ZNF445: variants seen among roughly 807,000 people sequenced by gnomAD.
The protein encoded by ZNF445 is zinc finger protein 168.
Under a neutral mutation model 93.9 loss-of-function variants are expected in ZNF445, and 19 were observed. The observed-to-expected ratio is 0.20, with a 90% CI of 0.14 to 0.30. ZNF445 has a LOEUF of 0.30. Among genes scored for constraint, ZNF445 ranks in the 10% least tolerant of loss-of-function variants. The pLI, the probability that ZNF445 is intolerant of heterozygous loss-of-function variation, is 1.00. For synonymous variants in ZNF445, 449 were observed against 446.3 expected, an observed-to-expected ratio of 1.01 and a Z score of -0.08; for missense variants, 1,058 against 1,259.4, an observed-to-expected ratio of 0.84 and a Z score of 2.42.
chr3:44,440,291 C>T lies in ZNF445; in HGVS notation c.*6284G>A, dbSNP rs1371874792. 1 of 152,176 alleles carries T rather than the reference C, an allele frequency of 6.6e-6. No homozygotes were observed. Among genetic ancestry groups the T allele is most frequent in the Non-Finnish European group, 1.5e-5 (1 of 68,044 alleles). The allele number at this position is 152,176 out of a possible 1,614,324, so 9.4% of individuals were successfully genotyped here. On this transcript the variant is annotated 3_prime_UTR_variant, in exon 8 of 8. Coordinates refer to ENST00000396077, the MANE Select transcript of ZNF445 (RefSeq NM_181489.6). The stretch of plus-strand genomic sequence containing the variant: ...TTTAAAAGGTGTGGTAGCTGGCATA[C>T]AAGTATTTACTCTCCTTTTCCTCAT...
intron 1 of ZNF445, among the ~76,000 whole-genome samples, chr3:44,471,962 G>A (rs1698274940): frequency 6.6e-6 from 1 of 152,158 alleles, no homozygotes; most frequent in Non-Finnish European, 1.5e-5. Context: ...AGGACCAAGA[G>A]GAGCAGGCTC....
chr3:44,474,112 A>C (rs1157159134), intron 1 of ZNF445, among the ~76,000 whole-genome samples: 1 of 152,234 alleles, frequency 6.6e-6, no homozygotes, highest in Admixed American at 6.5e-5. Flanking sequence ...AAAGTAGTAA[A>C]CTATCTTCCC....
chr3:44,470,717 T>C (rs1378470546), intron 1 of ZNF445, among the ~76,000 whole-genome samples: 1 of 152,214 alleles, frequency 6.6e-6, no homozygotes, highest in East Asian at 1.9e-4. Flanking sequence ...TTGCCTATGT[T>C]GCCTAAATTG....
At chr3:44,454,942 C>G in intron 3 of ZNF445, 179 bp downstream of exon 3, 1 of 684,430 alleles carries the variant, frequency 1.5e-6, no homozygotes, top group Non-Finnish European at 2.5e-6. Context: ...GAAAGGATAC[C>G]TGCTAAAGGG....
intron 2 of ZNF445, among the ~76,000 whole-genome samples, chr3:44,457,883 T>C (rs962641928): frequency 6.6e-6 from 1 of 151,890 alleles, no homozygotes; most frequent in Admixed American, 6.6e-5. Flanking sequence ...CGTGATGGCA[T>C]GCGCCTGTAA....
At chr3:44,464,171 ACT>A (rs1698160686) in intron 1 of ZNF445, among the ~76,000 whole-genome samples, 1 of 152,206 alleles carries the variant, frequency 6.6e-6, no homozygotes, top group South Asian at 2.1e-4. Context: ...GCAGCACTGC[ACT>A]GTCTTCTCCT....
At chr3:44,456,747 T>C (rs1340520735) in intron 2 of ZNF445, among the ~76,000 whole-genome samples, 1 of 152,248 alleles carries the variant, frequency 6.6e-6, no homozygotes, top group Non-Finnish European at 1.5e-5. Flanking sequence ...TAGTTGATTT[T>C]ACGACCCAAC....
intron 1 of ZNF445, among the ~76,000 whole-genome samples, chr3:44,463,014 TGTG>T (rs1559398100): frequency 3.8e-4 from 2 of 5,326 alleles, no homozygotes; most frequent in Non-Finnish European, 8.1e-4. Flanking sequence ...TTTTTCTTTG[TGTG>T]TGTGTGTGTG....
chr3:44,443,843 C>T lies in ZNF445; in HGVS notation c.*2732G>A, dbSNP rs1439343712. 23 of 150,754 alleles carry T rather than the reference C, an allele frequency of 1.5e-4. No homozygotes were observed. Among genetic ancestry groups the T allele is most frequent in the Admixed American group, 1.5e-3 (23 of 15,106 alleles). The allele number at this position is 150,754 out of a possible 1,614,324, so 9.3% of individuals were successfully genotyped here. A position where few individuals can be genotyped will look rare whatever the true frequency, so the allele number is the denominator to read the frequency against. On this transcript the variant is annotated 3_prime_UTR_variant, in exon 8 of 8. Transcript: ENST00000396077. Reference sequence around the variant, plus strand: ...TGTTTAGAAATAAGCACATTTCATTCTATAAAAATGACAGGTCAGGCACAG... The same window carrying T: ...TGTTTAGAAATAAGCACATTTCATTTTATAAAAATGACAGGTCAGGCACAG...
At position 44,439,310 on chromosome 3, in the gene ZNF445, CAAA is replaced by C. The variant is rs556191734; in HGVS notation, c.*7262_*7264del. ...TGGGTGACAGGGTGAGACCTTGTCTCAAAAAAAAAAAAAAAAAAAAAGCAAAAC... is the reference window on the plus strand; with the variant it reads ...TGGGTGACAGGGTGAGACCTTGTCTCAAAAAAAAAAAAAAAAAAGCAAAAC... On this transcript the variant is annotated 3_prime_UTR_variant, in exon 8 of 8. Coordinates refer to ENST00000396077, the MANE Select transcript of ZNF445 (RefSeq NM_181489.6). The C allele has an allele frequency of 9.6e-5, 6 of 62,754 alleles. No individual in the cohort carries two copies. Among genetic ancestry groups the C allele is most frequent in the Non-Finnish European group, 1.6e-4 (5 of 31,096 alleles). 3.9% of individuals were successfully genotyped at this position (62,754 alleles called of 1,614,324 possible).
chr3:44,432,671 C>T lies in ZNF445; in HGVS notation c.*13904G>A, dbSNP rs1458079860. 6.6e-6 allele frequency: 1 copy of T among 152,194 alleles called. No homozygotes were observed. The highest frequency in any genetic ancestry group is 2.4e-5 in the African/African-American group (1 of 41,432). 9.4% of individuals were successfully genotyped at this position (152,194 alleles called of 1,614,324 possible). On this transcript the variant is annotated 3_prime_UTR_variant, in exon 8 of 8. Coordinates refer to ENST00000396077, the MANE Select transcript of ZNF445 (RefSeq NM_181489.6). ...ACGTTAATCTCATCCAAAGCAACCT[C>T]ACAGAAACACCCAGCATAATGTTTG...
Position 44,451,473 on chromosome 3 carries a change from G to T in ZNF445, c.439C>A (p.Pro147Thr). ...LDGTSWRDPGPAQSPDVHWMG... is the reference protein window; with the variant it reads ...LDGTSWRDPGTAQSPDVHWMG... ...CAATGCACATCTGGGCTCTGGGCAGGGCCCGGGTCCTGGCAAGAAGAAAAT... is the reference window on the plus strand; with the variant it reads ...CAATGCACATCTGGGCTCTGGGCAGTGCCCGGGTCCTGGCAAGAAGAAAAT... Residue 147 changes from proline to threonine, a missense_variant, in exon 4 of 8, where the codon CCT becomes ACT. Physicochemically the swap from Pro to Thr is conservative, Grantham distance 38 (BLOSUM62 -1). This residue lies in a region of ZNF445 where 657 missense variants were observed against 746.4 expected (regional missense o/e 0.88). Transcript: ENST00000396077. The T allele has an allele frequency of 6.2e-7, 1 of 1,602,644 alleles. No homozygotes were observed. Among genetic ancestry groups the T allele is most frequent in the Non-Finnish European group, 8.5e-7 (1 of 1,171,782 alleles).
intron 4 of ZNF445, 107 bp from the exon 5 acceptor site, chr3:44,451,069 ATGT>A: frequency 2.9e-6 from 3 of 1,044,942 alleles, no homozygotes; most frequent in East Asian, 2.6e-5. Flanking sequence ...CAGGTACATA[ATGT>A]TGTTAAATAC....
intron 2 of ZNF445, among the ~76,000 whole-genome samples, chr3:44,456,200 G>A (rs1424051252): frequency 4.6e-5 from 7 of 152,190 alleles, no homozygotes; most frequent in Admixed American, 2.6e-4. Context: ...AGGATTGCCT[G>A]AGCTCAGGAG....
intron 1 of ZNF445, among the ~76,000 whole-genome samples, chr3:44,466,975 T>C (rs1698204651): frequency 1.3e-5 from 2 of 152,370 alleles, no homozygotes; most frequent in South Asian, 2.1e-4. Context: ...ATTTTTGTCA[T>C]CCACAGGTAT....
intron 3 of ZNF445, among the ~76,000 whole-genome samples, chr3:44,453,295 T>C (rs1200548022): frequency 7.2e-5 from 11 of 152,048 alleles, no homozygotes. Flanking sequence ...ATATGTTTTT[T>C]TTTTTTAATT....
intron 1 of ZNF445, among the ~76,000 whole-genome samples, chr3:44,466,189 ATT>A (rs60277070): frequency 6.6e-6 from 1 of 151,940 alleles, no homozygotes; most frequent in Non-Finnish European, 1.5e-5. Context: ...TTTAAAAAAA[ATT>A]TTTTTTGGAG....
Position 44,433,137 on chromosome 3 carries a change from T to C in ZNF445, c.*13438A>G, listed in dbSNP as rs2125671640. The C allele has an allele frequency of 6.6e-6, 1 of 152,006 alleles. No individual in the cohort carries two copies. The highest frequency in any genetic ancestry group is 2.4e-5 in the African/African-American group (1 of 41,452). The allele number at this position is 152,006 out of a possible 1,614,324, so 9.4% of individuals were successfully genotyped here. On this transcript the variant is annotated 3_prime_UTR_variant, in exon 8 of 8. Coordinates refer to ENST00000396077, the MANE Select transcript of ZNF445 (RefSeq NM_181489.6). ...TAAGGGTCATCGTTCTTTTTTTTTT[T>C]TTTTCCCGCTCTGTTGTCCAGGCTG...
In ZNF445 at chr3:44,431,916, TTTA is replaced by T. The variant is rs1697558169; in HGVS notation, c.*14656_*14658del. 1 of 149,438 alleles carries T rather than the reference TTTA, an allele frequency of 6.7e-6. No individual in the cohort carries two copies. The highest frequency in any genetic ancestry group is 2.1e-4 in the South Asian group (1 of 4,830). The allele number at this position is 149,438 out of a possible 1,614,324, so 9.3% of individuals were successfully genotyped here. ...TCTGAAGATTATATGAAATTTATTT[TTTA>T]TTTTTTATTTTTTTGAGACAGGGTC... is the stretch of plus-strand genomic sequence containing the variant. On this transcript the variant is annotated 3_prime_UTR_variant, in exon 8 of 8. Coordinates refer to ENST00000396077, the MANE Select transcript of ZNF445 (RefSeq NM_181489.6).
Sources: allele counts gnomAD v4.1 joint callset (sites outside exome capture counted in the v4.1 genomes callset), GRCh38; gene constraint gnomAD v4.1.1; regional missense constraint gnomAD v4.1.1; transcripts MANE v1.5; gene names NCBI Gene and HGNC (gene_info 2026-07-23, HGNC 2026-07-21).